The following TAFA1 variants were observed in gnomAD, a reference collection of about 807,000 sequenced individuals.
TAFA1 encodes the protein TAFA chemokine like family member 1.
In TAFA1, 4 loss-of-function variants were observed where a neutral mutation model predicts 18.5. The observed-to-expected ratio is 0.22, with a 90% CI of 0.11 to 0.49. The LOEUF is 0.49. Among genes scored for constraint, TAFA1 ranks in the 20% least tolerant of loss-of-function variants. The probability of loss-of-function intolerance (pLI) is 0.98; values close to 1 mark genes in which losing one functional copy is unlikely to be tolerated. For synonymous variants in TAFA1, 56 were observed against 55.2 expected (o/e 1.01, Z -0.06); for missense variants, 147 against 169.0 (o/e 0.87, Z 0.72).
At chr3:68,400,699 ACT>A (rs1412313851) in intron 2 of TAFA1, among the ~76,000 whole-genome samples, 6 of 152,170 alleles carry the variant, frequency 3.9e-5, no homozygotes, top group African/African-American at 1.2e-4. Flanking sequence ...ATTGGTAATG[ACT>A]CAACTATCAA....
intron 2 of TAFA1, among the ~76,000 whole-genome samples, chr3:68,303,157 C>CG (rs1475113516): frequency 7.6e-6 from 1 of 130,884 alleles, no homozygotes; most frequent in African/African-American, 2.8e-5. Flanking sequence ...AGTACTTTTA[C>CG]TGTATAAAAA....
At chr3:68,350,893 A>G (rs2069253990) in intron 2 of TAFA1, among the ~76,000 whole-genome samples, 1 of 152,122 alleles carries the variant, frequency 6.6e-6, no homozygotes, top group Non-Finnish European at 1.5e-5. Context: ...AGACCCTTGT[A>G]GCTGGGAAAC....
At chr3:68,410,572 A>G (rs1019513377) in intron 2 of TAFA1, among the ~76,000 whole-genome samples, 4 of 152,024 alleles carry the variant, frequency 2.6e-5, no homozygotes, top group Admixed American at 1.3e-4. Context: ...TCTGAGTAGT[A>G]CAAACAACCT....
chr3:68,184,238 A>T (rs2066241877), intron 2 of TAFA1, among the ~76,000 whole-genome samples: 1 of 152,158 alleles, frequency 6.6e-6, no homozygotes. Context: ...GATAATTCAG[A>T]TGATTGACAG....
chr3:68,190,465 C>G (rs922303492), intron 2 of TAFA1, among the ~76,000 whole-genome samples: 1 of 151,830 alleles, frequency 6.6e-6, no homozygotes, highest in Admixed American at 6.6e-5. Flanking sequence ...GAAAAGTACC[C>G]TTTTAGAGTC....
intron 2 of TAFA1, among the ~76,000 whole-genome samples, chr3:68,187,596 G>T (rs1039824559): frequency 1.3e-5 from 2 of 151,938 alleles, no homozygotes; most frequent in African/African-American, 4.8e-5. Flanking sequence ...TCAATTTGGG[G>T]CTATTACAAG....
At chr3:68,271,625 T>C (rs1279464148) in intron 2 of TAFA1, among the ~76,000 whole-genome samples, 1 of 152,124 alleles carries the variant, frequency 6.6e-6, no homozygotes, top group African/African-American at 2.4e-5. Flanking sequence ...AGTTATGATG[T>C]TGAGAAACGT....
At chr3:68,426,176 C>T (rs1391092313) in intron 3 of TAFA1, among the ~76,000 whole-genome samples, 1 of 151,608 alleles carries the variant, frequency 6.6e-6, no homozygotes, top group African/African-American at 2.4e-5. Flanking sequence ...TCACATTGTA[C>T]CCCGTAATTA....
chr3:68,494,152 C>T (rs927062006), intron 3 of TAFA1, among the ~76,000 whole-genome samples: 4 of 152,086 alleles, frequency 2.6e-5, no homozygotes, highest in East Asian at 1.9e-4. Flanking sequence ...CCCAAGCTGG[C>T]GTGCAGTGGC....
chr3:68,400,072 G>T (rs74736281), intron 2 of TAFA1, among the ~76,000 whole-genome samples: 20 of 152,292 alleles, frequency 1.3e-4, no homozygotes, highest in Non-Finnish European at 2.8e-4. Context: ...TGGATGACAA[G>T]CCTATCCTTA....
At chr3:68,104,635 G>T (rs1246466051) in intron 2 of TAFA1, among the ~76,000 whole-genome samples, 2 of 151,906 alleles carry the variant, frequency 1.3e-5, no homozygotes, top group African/African-American at 4.8e-5. Flanking sequence ...GCCAACTCTG[G>T]CCCAGAGCCT....
chr3:68,479,092 A>T (rs752776767), intron 3 of TAFA1, among the ~76,000 whole-genome samples: 2 of 150,568 alleles, frequency 1.3e-5, no homozygotes, highest in East Asian at 3.9e-4. Flanking sequence ...TTAACTGGGC[A>T]TGGTGACGCG....
intron 2 of TAFA1, among the ~76,000 whole-genome samples, chr3:68,073,599 T>C (rs927065867): frequency 1.3e-5 from 2 of 152,250 alleles, no homozygotes; most frequent in African/African-American, 4.8e-5. Context: ...TAAGGTTTAG[T>C]TGGAAAATTC....
intron 2 of TAFA1, among the ~76,000 whole-genome samples, chr3:68,382,767 A>T (rs1575820820): frequency 1.3e-5 from 2 of 152,148 alleles, no homozygotes; most frequent in Non-Finnish European, 2.9e-5. Flanking sequence ...GTTTAATAGA[A>T]ATAGCATTGA....
At chr3:68,132,122 C>T (rs2065547380) in intron 2 of TAFA1, among the ~76,000 whole-genome samples, 1 of 152,100 alleles carries the variant, frequency 6.6e-6, no homozygotes. Flanking sequence ...TGAGTGAGAA[C>T]AAGTGGTGTT....
intron 2 of TAFA1, among the ~76,000 whole-genome samples, chr3:68,112,632 G>A (rs1355436609): frequency 2.0e-5 from 3 of 151,930 alleles, no homozygotes; most frequent in Non-Finnish European, 4.4e-5. Flanking sequence ...GCCCTAGATA[G>A]TTCAGTAATG....
chr3:68,403,819 G>A (rs1307546237), intron 2 of TAFA1, among the ~76,000 whole-genome samples: 3 of 152,182 alleles, frequency 2.0e-5, no homozygotes, highest in African/African-American at 7.2e-5. Context: ...GCCCTGGAAG[G>A]TCTTGCACAG....
chr3:67,993,046 G>C, the TAFA1 span, among the ~76,000 whole-genome samples: 1 of 152,320 alleles, frequency 6.6e-6, no homozygotes, highest in African/African-American at 2.4e-5. Context: ...GGTGCAGATG[G>C]AAGAAAGTAA....
At chr3:68,095,105 C>A (rs1164372655) in intron 2 of TAFA1, among the ~76,000 whole-genome samples, 1 of 152,072 alleles carries the variant, frequency 6.6e-6, no homozygotes, top group Admixed American at 6.6e-5. Context: ...TGTCTTCCAG[C>A]CAGAGAGATC....
Sources: allele counts gnomAD v4.1 joint callset (sites outside exome capture counted in the v4.1 genomes callset), GRCh38; gene constraint gnomAD v4.1.1; transcripts MANE v1.5; gene names NCBI Gene and HGNC (gene_info 2026-07-23, HGNC 2026-07-21).